The following FLNB variants were observed in gnomAD, a reference collection of about 807,000 sequenced individuals.
The protein encoded by FLNB is filamin B.
In FLNB, 111 loss-of-function variants were observed where a neutral mutation model predicts 250.6. The ratio of observed to expected loss-of-function variants is 0.44; its 90% CI spans 0.38 to 0.52. FLNB has a LOEUF of 0.52. Ranked by LOEUF, FLNB falls within the 20% of genes least tolerant of loss-of-function variation. FLNB has a pLI of 0.00. For synonymous variants in FLNB, 1,302 were observed against 1,372.1 expected, an observed-to-expected ratio of 0.95 and a Z score of 1.13; for missense variants, 2,869 against 3,447.8, an observed-to-expected ratio of 0.83 and a Z score of 4.20.
intron 1 of FLNB, among the ~76,000 whole-genome samples, chr3:58,031,543 CTTT>C (rs764190111): frequency 5.4e-4 from 42 of 77,150 alleles, no homozygotes; most frequent in Middle Eastern, 0.019. Context: ...CGTGCCCTGC[CTTT>C]TTTTTTTTTT....
intron 42 of FLNB, among the ~76,000 whole-genome samples, chr3:58,161,205 T>A (rs755425209): frequency 4.7e-4 from 71 of 152,030 alleles, no homozygotes; most frequent in Non-Finnish European, 4.3e-4. Context: ...AGGCCAGAGA[T>A]CTATGGTGGC....
At chr3:58,150,328 ATCCAAG>A in intron 38 of FLNB, 101 bp downstream of exon 38, 1 of 1,369,380 alleles carries the variant, frequency 7.3e-7, no homozygotes, top group South Asian at 1.2e-5. Flanking sequence ...AGAACACAGT[ATCCAAG>A]TCGGCTGTGC....
intron 1 of FLNB, among the ~76,000 whole-genome samples, chr3:58,060,637 G>A (rs1035826121): frequency 6.6e-6 from 1 of 151,322 alleles, no homozygotes; most frequent in Non-Finnish European, 1.5e-5. Flanking sequence ...ATAGGCGTGA[G>A]CTACTGTGCC....
chr3:58,142,795 C>A lies in FLNB; in HGVS notation c.5284+43C>A. On this transcript the variant is annotated intron_variant, in intron 31 of 45. Transcript: ENST00000295956. This position sits in a 1 kb window ranked among gnomAD's most constrained non-coding sequence, Gnocchi z 4.3. ...AGGCCGTCTCATTCTCACTTGCTCT[C>A]ACGAGCTTCCCAGAATGGTGCTGGG... is the stretch of plus-strand genomic sequence containing the variant. 6.5e-7 allele frequency: 1 copy of A among 1,536,860 alleles called. No individual in the cohort carries two copies. The highest frequency in any genetic ancestry group is 9.0e-7 in the Non-Finnish European group (1 of 1,110,624).
intron 1 of FLNB, among the ~76,000 whole-genome samples, chr3:58,071,160 C>T (rs867690935): frequency 2.0e-5 from 3 of 151,774 alleles, no homozygotes; most frequent in Admixed American, 6.6e-5. Flanking sequence ...CTATGTTGCC[C>T]AGGCTCTGGT....
intron 12 of FLNB, among the ~76,000 whole-genome samples, chr3:58,107,498 C>T (rs917148213): frequency 2.0e-5 from 3 of 152,196 alleles, no homozygotes; most frequent in East Asian, 1.9e-4. Flanking sequence ...GCATAAAGAC[C>T]GCCTTTGGCT....
intron 5 of FLNB, among the ~76,000 whole-genome samples, chr3:58,095,483 T>G (rs1017705806): frequency 6.6e-6 from 1 of 152,158 alleles, no homozygotes; most frequent in African/African-American, 2.4e-5. Context: ...CTTGAACTCC[T>G]GACCTCAGGT....
At chr3:58,076,827 C>A (rs1177460467) in intron 1 of FLNB, among the ~76,000 whole-genome samples, 1 of 152,152 alleles carries the variant, frequency 6.6e-6, no homozygotes, top group African/African-American at 2.4e-5. Flanking sequence ...CTCATGAACC[C>A]ATGATCCAGT....
intron 1 of FLNB, among the ~76,000 whole-genome samples, chr3:58,035,537 AT>A (rs1258767797): frequency 2.0e-5 from 3 of 152,286 alleles, no homozygotes; most frequent in Admixed American, 2.0e-4. Context: ...GAAAGAAATA[AT>A]GAATGTGTGA....
At chr3:58,093,258 G>A (rs1305563961) in intron 4 of FLNB, among the ~76,000 whole-genome samples, 2 of 152,184 alleles carry the variant, frequency 1.3e-5, no homozygotes, top group African/African-American at 2.4e-5. Context: ...ACACAGGAGC[G>A]TCTGTCCCCA....
chr3:58,105,014 G>T (rs533420722), intron 10 of FLNB, 66 bp from the exon 11 acceptor site: 1 of 1,604,814 alleles, frequency 6.2e-7, no homozygotes, highest in Non-Finnish European at 8.5e-7. Flanking sequence ...AGGAACTGCA[G>T]CTTATGGCTA....
chr3:58,104,199 T>C (rs1452080004), intron 10 of FLNB, 114 bp downstream of exon 10: 15 of 103,268 alleles, frequency 1.5e-4, no homozygotes, highest in African/African-American at 3.9e-4. Flanking sequence ...TGTTGAAAAC[T>C]TTTTTTTTTT....
chr3:58,135,607 T>G (rs2097314590), intron 27 of FLNB, among the ~76,000 whole-genome samples: 2 of 152,222 alleles, frequency 1.3e-5, no homozygotes, highest in South Asian at 4.1e-4. Context: ...GATTCCCATC[T>G]TCTGGGAGCG....
intron 3 of FLNB, among the ~76,000 whole-genome samples, chr3:58,079,563 TTAAAA>T (rs1191723275): frequency 6.6e-6 from 1 of 152,220 alleles, no homozygotes; most frequent in African/African-American, 2.4e-5. Flanking sequence ...CTTAAAACTT[TTAAAA>T]ACATGTAAGC....
In FLNB at chr3:58,110,161, T is replaced by C; in HGVS notation, c.2475T>C (p.Phe825=). 1.2e-6 allele frequency: 2 copies of C among 1,614,224 alleles called. No individual in the cohort carries two copies. Among genetic ancestry groups the C allele is most frequent in the Non-Finnish European group, 1.7e-6 (2 of 1,180,046 alleles). Residue 825 remains phenylalanine (F), a synonymous_variant, in exon 16 of 46, where the codon TTT becomes TTC. Coordinates refer to ENST00000295956, the MANE Select transcript of FLNB (RefSeq NM_001457.4). ...GGCGATACACTATCAAAGTTCTCTT[T>C]GCATCTCAGGTACGTGGTGGGGCCT... is the stretch of plus-strand genomic sequence containing the variant. ...AAGRYTIKVL[F]ASQEIPASPF... is the part of the protein sequence containing the mutation.
intron 41 of FLNB, 52 bp from the exon 42 acceptor site, chr3:58,159,502 A>G: frequency 6.2e-7 from 1 of 1,604,336 alleles, no homozygotes; most frequent in Non-Finnish European, 8.5e-7. Context: ...AGTGTGTGCC[A>G]CTGAGCAGGA....
At chr3:58,048,027 C>G (rs1159301159) in intron 1 of FLNB, among the ~76,000 whole-genome samples, 1 of 152,182 alleles carries the variant, frequency 6.6e-6, no homozygotes, top group African/African-American at 2.4e-5. Flanking sequence ...ACTGCATACC[C>G]AAGAGGTTAG....
At chr3:58,117,461 G>A (rs1256389253) in intron 18 of FLNB, among the ~76,000 whole-genome samples, 1 of 152,206 alleles carries the variant, frequency 6.6e-6, no homozygotes, top group East Asian at 1.9e-4. Context: ...ACTTTATGCG[G>A]GTGAGGGAGG....
rs1216985949 is a variant in FLNB, at chr3:58,112,361, C to A, written c.2745+43C>A. Reference sequence around the variant, plus strand: ...TCTGCTCCCCTGGCCCCCAGCCAGGCCCCTTTCTATGCAGTCGGTGCTGGG... The same window carrying A: ...TCTGCTCCCCTGGCCCCCAGCCAGGACCCTTTCTATGCAGTCGGTGCTGGG... On this transcript the variant is annotated intron_variant, in intron 18 of 45. Coordinates refer to ENST00000295956, the MANE Select transcript of FLNB (RefSeq NM_001457.4). 7 of 1,581,398 alleles carry A rather than the reference C, an allele frequency of 4.4e-6. No individual in the cohort carries two copies. In the East Asian group the frequency reaches 1.3e-4, roughly 30 times the overall value.
Sources: gnomAD v4.1 joint callset for allele counts (sites outside exome capture counted in the v4.1 genomes callset) on GRCh38, gnomAD v4.1.1 for gene constraint, Gnocchi (gnomAD v3.1) non-coding constraint, MANE v1.5 for transcripts, NCBI Gene and HGNC (gene_info 2026-07-23, HGNC 2026-07-21) for gene names.